Variants in ERN1 observed in about 807,000 individuals in gnomAD.
ERN1 encodes the protein endoplasmic reticulum to nucleus signaling 1.
Under a neutral mutation model 113.1 loss-of-function variants are expected in ERN1, and 39 were observed. The ratio of observed to expected loss-of-function variants is 0.34; its 90% CI spans 0.27 to 0.45. ERN1 has a LOEUF of 0.45. ERN1 is among the 20% of genes least tolerant of loss of function. The pLI is 1.00. For missense variants in ERN1, 976 were observed against 1,274.8 expected (o/e 0.77, Z 3.57); for synonymous variants, 507 against 515.9 (o/e 0.98, Z 0.23).
intron 1 of ERN1, among the ~76,000 whole-genome samples, chr17:64,102,153 G>A (rs997888283): frequency 6.6e-6 from 1 of 152,126 alleles, no homozygotes; most frequent in African/African-American, 2.4e-5. Context: ...AGGCCTGGTG[G>A]CAGACACCTG....
chr17:64,124,165 T>C (rs768585857), intron 1 of ERN1, among the ~76,000 whole-genome samples: 36 of 152,280 alleles, frequency 2.4e-4, no homozygotes, highest in African/African-American at 6.0e-4. Context: ...GAATGTAAAA[T>C]AGTGCAGCTG....
At chr17:64,065,134 G>A in intron 9 of ERN1, 75 bp downstream of exon 9, 2 of 987,302 alleles carry the variant, frequency 2.0e-6, no homozygotes, top group East Asian at 5.4e-5. Flanking sequence ...GGATGCTCAT[G>A]CATAGCAAAG....
intron 20 of ERN1, 83 bp from the exon 21 acceptor site, chr17:64,045,010 G>T: frequency 9.7e-7 from 1 of 1,035,150 alleles, no homozygotes; most frequent in Non-Finnish European, 1.5e-6. Flanking sequence ...GGGGTCCTGG[G>T]ATTAGGGAGT....
At chr17:64,094,447 C>T (rs982038413) in intron 2 of ERN1, among the ~76,000 whole-genome samples, 9 of 152,044 alleles carry the variant, frequency 5.9e-5, no homozygotes, top group African/African-American at 1.9e-4. Context: ...ACTGTGTATA[C>T]GTAGTTTACT....
intron 3 of ERN1, 123 bp downstream of exon 3, chr17:64,080,652 T>A: frequency 1.2e-6 from 1 of 841,764 alleles, no homozygotes; most frequent in Non-Finnish European, 1.9e-6. Context: ...AGACTTTATA[T>A]GTCACTCACT....
At chr17:64,113,958 C>T (rs1291925917) in intron 1 of ERN1, among the ~76,000 whole-genome samples, 2 of 151,596 alleles carry the variant, frequency 1.3e-5, no homozygotes, top group East Asian at 1.9e-4. Flanking sequence ...CTGGGATTAC[C>T]GGCGTGAACC....
At chr17:64,113,855 G>A (rs1233416142) in intron 1 of ERN1, among the ~76,000 whole-genome samples, 1 of 151,906 alleles carries the variant, frequency 6.6e-6, no homozygotes, top group African/African-American at 2.4e-5. Context: ...GCTAATTTTT[G>A]TATTTTCAGT....
chr17:64,074,380 A>G (rs1378539136), intron 5 of ERN1, among the ~76,000 whole-genome samples: 1 of 152,178 alleles, frequency 6.6e-6, no homozygotes, highest in Non-Finnish European at 1.5e-5. Context: ...CACGGCCCAC[A>G]GAGAGAAAAA....
At chr17:64,085,021 A>G (rs1339911238) in intron 2 of ERN1, among the ~76,000 whole-genome samples, 1 of 152,044 alleles carries the variant, frequency 6.6e-6, no homozygotes, top group African/African-American at 2.4e-5. Context: ...AGTTCTGTAT[A>G]TTTTATTGCT....
intron 11 of ERN1, 147 bp downstream of exon 11, chr17:64,060,322 C>G (rs950748252): frequency 3.2e-6 from 2 of 628,236 alleles, no homozygotes; most frequent in Non-Finnish European, 5.7e-6. Context: ...TAGCCCTTAA[C>G]CATTTATGTT....
chr17:64,101,711 A>C (rs1208160035), intron 1 of ERN1, among the ~76,000 whole-genome samples: 4 of 152,192 alleles, frequency 2.6e-5, no homozygotes, highest in African/African-American at 9.7e-5. Context: ...AGAGTTTAGA[A>C]ACACAGGGGT....
rs1393090059 is a variant in ERN1, at chr17:64,063,773, A to G, written c.1087+213T>C. On this transcript the variant is annotated intron_variant, in intron 10 of 21. Transcript: ENST00000433197. The surrounding 1 kb of genome is among the most constrained non-coding windows in gnomAD (Gnocchi z 5.1). ...TAATTTAGTACCTGAGTTTTGGAAC[A>G]TTAAACAGTTTTCAAAAACTGACTC... Among the ~76,000 whole-genome samples the G allele has an allele frequency of 3.3e-5, 5 of 152,344 alleles. No homozygotes were observed. The highest frequency in any genetic ancestry group is 1.2e-4 in the African/African-American group (5 of 41,576).
intron 12 of ERN1, among the ~76,000 whole-genome samples, chr17:64,057,257 T>C (rs1427570429): frequency 6.6e-6 from 1 of 152,254 alleles, no homozygotes; most frequent in Non-Finnish European, 1.5e-5. Context: ...ATAAATCAGC[T>C]CTTAGCTGAA....
chr17:64,047,129 C>T (rs541008190), intron 19 of ERN1, among the ~76,000 whole-genome samples: 2 of 152,252 alleles, frequency 1.3e-5, no homozygotes, highest in Admixed American at 6.5e-5. Context: ...GAGGCTGAGG[C>T]GGGCAGATCA....
chr17:64,115,414 ACTC>A (rs374111537), intron 1 of ERN1, among the ~76,000 whole-genome samples: 5 of 151,830 alleles, frequency 3.3e-5, no homozygotes, highest in African/African-American at 1.2e-4. Flanking sequence ...GGCCTGTAAA[ACTC>A]CTGGCTTCAA....
chr17:64,048,013 T>A, intron 18 of ERN1, 28 bp from the exon 19 acceptor site: 1 of 1,596,008 alleles, frequency 6.3e-7, no homozygotes, highest in Non-Finnish European at 8.6e-7. Context: ...AAGCAACTCA[T>A]GACTACCAGT....
intron 1 of ERN1, among the ~76,000 whole-genome samples, chr17:64,111,868 A>T (rs916111613): frequency 4.6e-5 from 7 of 151,696 alleles, no homozygotes; most frequent in Admixed American, 3.3e-4. Flanking sequence ...TATTTAATTT[A>T]AAAAAAAATT....
intron 9 of ERN1, among the ~76,000 whole-genome samples, chr17:64,064,533 G>T (rs755843693): frequency 2.0e-5 from 3 of 152,216 alleles, no homozygotes; most frequent in Non-Finnish European, 2.9e-5. Flanking sequence ...GCTGGCTCAG[G>T]TGCTGCTGGA....
intron 2 of ERN1, among the ~76,000 whole-genome samples, chr17:64,089,185 G>A (rs1011334488): frequency 1.3e-5 from 2 of 151,954 alleles, no homozygotes; most frequent in Non-Finnish European, 2.9e-5. Flanking sequence ...CGGGCATGGT[G>A]GCAGGCACGT....
Sources: allele counts gnomAD v4.1 joint callset (sites outside exome capture counted in the v4.1 genomes callset), GRCh38; gene constraint gnomAD v4.1.1; non-coding constraint Gnocchi (gnomAD v3.1); transcripts MANE v1.5; gene names NCBI Gene and HGNC (gene_info 2026-07-23, HGNC 2026-07-21).